Variants in OPRL1 observed in about 807,000 individuals in gnomAD.
OPRL1 encodes opioid related nociceptin receptor 1.
OPRL1 carries 5 observed loss-of-function variants against 15.5 expected under a neutral mutation model. The ratio of observed to expected loss-of-function variants is 0.32; its 90% CI spans 0.17 to 0.68. The LOEUF is 0.68. Among genes scored for constraint, OPRL1 ranks in the 30% least tolerant of loss-of-function variants. The pLI is 0.72. For synonymous variants in OPRL1, 223 were observed against 230.2 expected (o/e 0.97, Z 0.28); for missense variants, 406 against 515.3 (o/e 0.79, Z 2.05).
chr20:64,091,569 C>G (rs920984479), intron 1 of OPRL1, among the ~76,000 whole-genome samples: 5 of 152,112 alleles, frequency 3.3e-5, no homozygotes, highest in African/African-American at 9.7e-5. Context: ...TTTGATCTGT[C>G]GAGAGCTGGC....
In OPRL1 at chr20:64,098,442, A is replaced by G; in HGVS notation, c.756A>G (p.Arg252=). The G allele has an allele frequency of 6.2e-7, 1 of 1,613,230 alleles. No individual in the cohort carries two copies. The highest frequency in any genetic ancestry group is 8.5e-7 in the Non-Finnish European group (1 of 1,179,954). Residue 252 remains arginine (R), a synonymous_variant, in exon 5 of 5, where the codon CGA becomes CGG. Transcript: ENST00000336866. ...LRGVRLLSGS[R]EKDRNLRRIT... ...GAGTCCGCCTGCTCTCGGGCTCCCG[A>G]GAGAAGGACCGGAACCTGCGGCGCA...
chr20:64,095,632 GA>G (rs1979033294), intron 3 of OPRL1, among the ~76,000 whole-genome samples: 1 of 151,800 alleles, frequency 6.6e-6, no homozygotes, highest in Non-Finnish European at 1.5e-5. Flanking sequence ...GCTTTAGCAG[GA>G]AAATGACTGA....
chr20:64,092,611 T>G (rs1419084183), intron 2 of OPRL1, 77 bp from the exon 3 acceptor site: 10 of 1,133,794 alleles, frequency 8.8e-6, no homozygotes, highest in Non-Finnish European at 1.3e-5. Context: ...CCTGCTGGGC[T>G]GCACGTGCTG....
In OPRL1 at chr20:64,097,434, G is replaced by A. The variant is rs1008265400; in HGVS notation, c.234-368G>A. Among the ~76,000 whole-genome samples, 1 of 152,124 alleles carries A rather than the reference G, an allele frequency of 6.6e-6. No individual in the cohort carries two copies. The highest frequency in any genetic ancestry group is 2.4e-5 in the African/African-American group (1 of 41,408). Reference sequence around the variant, plus strand: ...TGGAGGGGACTCAAAAGCAAGGGGAGCAGACTCTTTCCCTTAGGGCTCTAA... The same window carrying A: ...TGGAGGGGACTCAAAAGCAAGGGGAACAGACTCTTTCCCTTAGGGCTCTAA... On this transcript the variant is annotated intron_variant, in intron 3 of 4. Coordinates refer to ENST00000336866, the MANE Select transcript of OPRL1 (RefSeq NM_182647.4). The surrounding 1 kb of genome is among the most constrained non-coding windows in gnomAD (Gnocchi z 4.2).
At chr20:64,084,142 C>G in intron 1 of OPRL1, 10 of 1,460,114 alleles carry the variant, frequency 6.8e-6, no homozygotes, top group Non-Finnish European at 9.0e-6. Context: ...GCTCCTCACC[C>G]TGCGCCGTGC....
chr20:64,093,172 C>A (rs531179465), intron 3 of OPRL1, among the ~76,000 whole-genome samples: 1 of 151,900 alleles, frequency 6.6e-6, no homozygotes, highest in South Asian at 2.1e-4. Context: ...TGGCCCACCG[C>A]GCTCTGTCCC....
chr20:64,093,245 G>A (rs1440519676), intron 3 of OPRL1, among the ~76,000 whole-genome samples: 1 of 151,378 alleles, frequency 6.6e-6, no homozygotes, highest in Admixed American at 6.6e-5. Flanking sequence ...GTGTCAAGCT[G>A]TCTGCTTGAA....
At chr20:64,086,631 A>G (rs147636148) in intron 1 of OPRL1, 39 of 196,700 alleles carry the variant, frequency 2.0e-4, no homozygotes, top group African/African-American at 8.9e-4. Flanking sequence ...AAAATTTAAC[A>G]TGATATTGAG....
At chr20:64,084,138 C>T (rs1178633209) in intron 1 of OPRL1, 2 of 1,461,890 alleles carry the variant, frequency 1.4e-6, no homozygotes, top group Non-Finnish European at 1.8e-6. Flanking sequence ...GCACGCTCCT[C>T]ACCCTGCGCC....
Position 64,098,944 on chromosome 20 carries a change from C to A in OPRL1, c.*145C>A. On this transcript the variant is annotated 3_prime_UTR_variant, in exon 5 of 5. Transcript: ENST00000336866. ...CCTGGGATGGGCTTTTCCCTGTGGG[C>A]CAGGGATGCTCGGTCCCAGAGGAGG... 8.6e-7 allele frequency: 1 copy of A among 1,156,408 alleles called. No homozygotes were observed. Among genetic ancestry groups the A allele is most frequent in the Non-Finnish European group, 1.2e-6 (1 of 844,404 alleles). 71.6% of individuals were successfully genotyped at this position (1,156,408 alleles called of 1,614,324 possible). A position where few individuals can be genotyped will look rare whatever the true frequency, so the allele number is the denominator to read the frequency against.
chr20:64,083,907 C>G lies in OPRL1; in HGVS notation c.-185+3555C>G. On this transcript the variant is annotated intron_variant, in intron 1 of 4. Coordinates refer to ENST00000336866, the MANE Select transcript of OPRL1 (RefSeq NM_182647.4). This position sits in a 1 kb window ranked among gnomAD's most constrained non-coding sequence, Gnocchi z 4.9. ...ACGCCGAGGAGCCGGTTCTGGCGCT[C>G]GGCGGGCAGCTCGAGCGACTGCGTC... The G allele has an allele frequency of 6.9e-7, 1 of 1,446,554 alleles. No homozygotes were observed. The highest frequency in any genetic ancestry group is 9.0e-7 in the Non-Finnish European group (1 of 1,105,510). 89.6% of individuals were successfully genotyped at this position (1,446,554 alleles called of 1,614,324 possible). A position where few individuals can be genotyped will look rare whatever the true frequency, so the allele number is the denominator to read the frequency against.
chr20:64,083,338 G>T lies in OPRL1; in HGVS notation c.-185+2986G>T, dbSNP rs2059989416. 1.9e-6 allele frequency: 3 copies of T among 1,560,570 alleles called. No individual in the cohort carries two copies. Among genetic ancestry groups the T allele is most frequent in the Non-Finnish European group, 1.8e-6 (2 of 1,142,648 alleles). On this transcript the variant is annotated intron_variant, in intron 1 of 4. Transcript: ENST00000336866. This position sits in a 1 kb window ranked among gnomAD's most constrained non-coding sequence, Gnocchi z 4.9. ...AGCGTCCATACTCCCCGCTTCCCTC[G>T]GGGTCCTGGGGAGTGGCAGCAAAAA...
chr20:64,082,732 G>C (rs1033974362), intron 1 of OPRL1, among the ~76,000 whole-genome samples: 1 of 150,240 alleles, frequency 6.7e-6, no homozygotes, highest in Non-Finnish European at 1.5e-5. Flanking sequence ...CAGGGATTTT[G>C]TAGGTCGTGG....
At chr20:64,096,556 T>C (rs563033569) in intron 3 of OPRL1, among the ~76,000 whole-genome samples, 1 of 152,248 alleles carries the variant, frequency 6.6e-6, no homozygotes, top group East Asian at 1.9e-4. Context: ...TGTCTCTTCG[T>C]AATTGCGGCC....
In OPRL1 at chr20:64,092,621, G is replaced by A. The variant is rs534361380; in HGVS notation, c.-33-67G>A. The A allele has an allele frequency of 1.6e-5, 21 of 1,277,438 alleles. No homozygotes were observed. The East Asian group carries it at 3.1e-4, about 19-fold the overall frequency. The allele number at this position is 1,277,438 out of a possible 1,614,324, so 79.1% of individuals were successfully genotyped here. ...ATGTGCCTGCTGGGCTGCACGTGCT[G>A]GGTTGTGAGGCCTCCGCTGGGCGTG... On this transcript the variant is annotated intron_variant, in intron 2 of 4. Transcript: ENST00000336866.
Position 64,098,546 on chromosome 20 carries a change from G to T in OPRL1, c.860G>T (p.Gly287Val). The change falls in exon 5 of 5, where the codon GGG (glycine) becomes GTG (valine). Residue 287 changes from glycine to valine, a missense_variant. Coordinates refer to ENST00000336866, the MANE Select transcript of OPRL1 (RefSeq NM_182647.4). ...GTCCAGGTCTTCGTGCTGGCCCAAGGGCTGGGGGTTCAGCCGAGCAGCGAG... is the reference window on the plus strand; with the variant it reads ...GTCCAGGTCTTCGTGCTGGCCCAAGTGCTGGGGGTTCAGCCGAGCAGCGAG... ...TPVQVFVLAQGLGVQPSSETA... is the reference protein window; with the variant it reads ...TPVQVFVLAQVLGVQPSSETA... The T allele has an allele frequency of 6.2e-7, 1 of 1,612,804 alleles. No homozygotes were observed. Among genetic ancestry groups the T allele is most frequent in the Non-Finnish European group, 8.5e-7 (1 of 1,179,988 alleles).
chr20:64,098,446 A>G lies in OPRL1; in HGVS notation c.760A>G (p.Lys254Glu), dbSNP rs371256754. The change falls in exon 5 of 5, where the codon AAG becomes GAG. Residue 254 changes from lysine (K) to glutamate (E), a missense_variant. Lys to Glu is a moderately conservative substitution (Grantham distance 56). Transcript: ENST00000336866. Reference sequence around the variant, plus strand: ...CCGCCTGCTCTCGGGCTCCCGAGAGAAGGACCGGAACCTGCGGCGCATCAC... The same window carrying G: ...CCGCCTGCTCTCGGGCTCCCGAGAGGAGGACCGGAACCTGCGGCGCATCAC... ...GVRLLSGSRE[K>E]DRNLRRITRL... The G allele has an allele frequency of 6.2e-7, 1 of 1,613,112 alleles. No individual in the cohort carries two copies. The highest frequency in any genetic ancestry group is 8.5e-7 in the Non-Finnish European group (1 of 1,179,926).
rs770542243 is a variant in OPRL1, at chr20:64,097,766, G to A, written c.234-36G>A. 6 of 1,581,744 alleles carry A rather than the reference G, an allele frequency of 3.8e-6. No homozygotes were observed. The highest frequency in any genetic ancestry group is 3.4e-5 in the South Asian group (3 of 88,112). On this transcript the variant is annotated intron_variant, in intron 3 of 4. Coordinates refer to ENST00000336866, the MANE Select transcript of OPRL1 (RefSeq NM_182647.4). The surrounding 1 kb of genome is among the most constrained non-coding windows in gnomAD (Gnocchi z 4.2). The stretch of plus-strand genomic sequence containing the variant: ...TTTGCTGCCTGGTCCAGCCAGCATG[G>A]CCAAGTGAAGCCTTTCTTCTCCCTC...
In OPRL1 at chr20:64,097,984, T is replaced by A; in HGVS notation, c.416T>A (p.Phe139Tyr). ...IDYYNMFTST[F>Y]TLTAMSVDRY... ...TACTACAACATGTTCACCAGCACCTTCACCCTAACTGCCATGAGTGTGGAT... is the reference window on the plus strand; with the variant it reads ...TACTACAACATGTTCACCAGCACCTACACCCTAACTGCCATGAGTGTGGAT... Residue 139 changes from phenylalanine (F) to tyrosine (Y), a missense_variant, in exon 4 of 5, where the codon TTC (phenylalanine) becomes TAC (tyrosine). Coordinates refer to ENST00000336866, the MANE Select transcript of OPRL1 (RefSeq NM_182647.4). The surrounding 1 kb of genome is among the most constrained non-coding windows in gnomAD (Gnocchi z 4.2). 1 of 1,613,706 alleles carries A rather than the reference T, an allele frequency of 6.2e-7. No homozygotes were observed. The highest frequency in any genetic ancestry group is 8.5e-7 in the Non-Finnish European group (1 of 1,180,016).
Sources: gnomAD v4.1 joint callset for allele counts (sites outside exome capture counted in the v4.1 genomes callset) on GRCh38, gnomAD v4.1.1 for gene constraint, Gnocchi (gnomAD v3.1) non-coding constraint, MANE v1.5 for transcripts, NCBI Gene and HGNC (gene_info 2026-07-23, HGNC 2026-07-21) for gene names.